EPHA1: variants seen among roughly 807,000 people sequenced by gnomAD.
EPHA1 encodes the protein EPH receptor A1.
In EPHA1, 92 loss-of-function variants were observed where a neutral mutation model predicts 110.1. That is an observed-to-expected ratio of 0.84 (90% CI 0.71 to 0.99). The LOEUF (loss-of-function observed/expected upper bound fraction) is 0.99. EPHA1 is among the 50% of genes least tolerant of loss of function. The pLI is 0.00. For synonymous variants in EPHA1, 500 were observed against 516.1 expected, an observed-to-expected ratio of 0.97 and a Z score of 0.42; for missense variants, 1,204 against 1,285.4, an observed-to-expected ratio of 0.94 and a Z score of 0.97.
In EPHA1 at chr7:143,398,881, C is replaced by T; in HGVS notation, c.1056G>A (p.Trp352Ter). ...SASGTQLSLRWEPPADTGGRQ... is the reference protein window; with the variant it reads ...SASGTQLSLR ...GTCCCCCCGTATCTGCTGGGGGTTC[C>T]CAACGCAGGGAGAGCTGAGTCCCTG... is the stretch of plus-strand genomic sequence containing the variant. Residue 352 changes from tryptophan to a stop codon, truncating the protein, a stop_gained, in exon 6 of 18, where the codon TGG becomes TGA. Transcript: ENST00000275815. LOFTEE classifies it high-confidence loss of function. The T allele has an allele frequency of 6.2e-7, 1 of 1,613,438 alleles. No individual in the cohort carries two copies. Among genetic ancestry groups the T allele is most frequent in the Non-Finnish European group, 8.5e-7 (1 of 1,179,834 alleles).
In EPHA1 at chr7:143,396,440, G is replaced by A. The variant is rs1285671193; in HGVS notation, c.1842C>T (p.Asp614=). The change falls in exon 11 of 18, where the codon GAC becomes GAT. Residue 614 remains aspartate (D), a synonymous_variant. Coordinates refer to ENST00000275815, the MANE Select transcript of EPHA1 (RefSeq NM_005232.5). ...ACGCTGGATCAAGCTCCCGGGTAAAGTCCAGGGCTCCCTGTGCAGGGTCCT... is the reference window on the plus strand; with the variant it reads ...ACGCTGGATCAAGCTCCCGGGTAAAATCCAGGGCTCCCTGTGCAGGGTCCT... The part of the protein sequence containing the change: ...AYEDPAQGAL[D]FTRELDPAWL... 1 of 1,613,956 alleles carries A rather than the reference G, an allele frequency of 6.2e-7. No homozygotes were observed. Among genetic ancestry groups the A allele is most frequent in the Non-Finnish European group, 8.5e-7 (1 of 1,179,972 alleles).
intron 14 of EPHA1, 66 bp downstream of exon 14, chr7:143,394,741 TG>T: frequency 1.9e-6 from 3 of 1,577,798 alleles, no homozygotes; most frequent in Non-Finnish European, 2.6e-6. Flanking sequence ...CCTATATACA[TG>T]TGACTGTATG....
chr7:143,406,853 G>C (rs1270544181), intron 2 of EPHA1, among the ~76,000 whole-genome samples: 4 of 152,190 alleles, frequency 2.6e-5, no homozygotes, highest in Admixed American at 2.6e-4. Flanking sequence ...TACATCATAA[G>C]AGCTGCTCTC....
chr7:143,396,353 G>A (rs1334808132), intron 11 of EPHA1, 32 bp downstream of exon 11: 1 of 1,602,894 alleles, frequency 6.2e-7, no homozygotes, highest in South Asian at 1.1e-5. Flanking sequence ...CCACATGGCG[G>A]GGGGCCTGCT....
At chr7:143,399,436 C>A in intron 4 of EPHA1, 23 bp from the exon 5 acceptor site, 1 of 1,559,160 alleles carries the variant, frequency 6.4e-7, no homozygotes, top group South Asian at 1.2e-5. Context: ...CGCAGCAGAG[C>A]AGTGGTTCTG....
rs1805085858 is a variant in EPHA1, at chr7:143,391,620, T to C, written c.2852A>G (p.Glu951Gly). The C allele has an allele frequency of 6.2e-7, 1 of 1,613,962 alleles. No homozygotes were observed. ...TGCCCAGACAGCTCCAGCTCCTTAC[T>C]CAGCGGTCAGCTCCAGCACACACTC... ...TMECVLELTA[E>G]DLTQMGITLP... is the part of the protein sequence containing the mutation. The change falls in exon 17 of 18, where the codon GAG becomes GGG. Residue 951 changes from glutamate to glycine, a missense_variant and splice_region_variant. By Grantham distance (98) the Glu-to-Gly change is moderately conservative (BLOSUM62 -2). Coordinates refer to ENST00000275815, the MANE Select transcript of EPHA1 (RefSeq NM_005232.5).
rs1210636799 is a variant in EPHA1 at position 143,399,294 on chromosome 7, T to G, written c.955A>C (p.Arg319=). 6.2e-7 allele frequency: 1 copy of G among 1,612,124 alleles called. No individual in the cohort carries two copies. Among genetic ancestry groups the G allele is most frequent in the African/African-American group, 1.3e-5 (1 of 74,980 alleles). ...ACCTGGGGGCCCTCCCCGGGAGCTC[T>G]GTAATGGCCGCTCTCACAGGTACAG... ...TICTCESGHY[R]APGEGPQVAC... The change falls in exon 5 of 18, where the codon AGA becomes CGA. Residue 319 remains arginine, a synonymous_variant. Transcript: ENST00000275815.
rs537988053 is a variant in EPHA1 at position 143,393,705 on chromosome 7, G to A, written c.2662C>T (p.His888Tyr). 6.2e-6 allele frequency: 10 copies of A among 1,613,918 alleles called. No homozygotes were observed. Among genetic ancestry groups the A allele is most frequent in the Admixed American group, 5.0e-5 (3 of 59,990 alleles). ...AAGTTGGCAATGGTCCGCAGGGAGTGGGGGTTGGCAAGCAGTTGCTCCAGA... is the reference window on the plus strand; with the variant it reads ...AAGTTGGCAATGGTCCGCAGGGAGTAGGGGTTGGCAAGCAGTTGCTCCAGA... Reference protein sequence around the residue: ...AHLEQLLANPHSLRTIANFDP... With the variant: ...AHLEQLLANPYSLRTIANFDP... The change falls in exon 16 of 18, where the codon CAC (histidine) becomes TAC (tyrosine). Residue 888 changes from histidine to tyrosine, a missense_variant. By Grantham distance (83) the His-to-Tyr change is moderately conservative (BLOSUM62 2). Coordinates refer to ENST00000275815, the MANE Select transcript of EPHA1 (RefSeq NM_005232.5). The surrounding 1 kb of genome is among the most constrained non-coding windows in gnomAD (Gnocchi z 5.6).
In EPHA1 at chr7:143,400,030, C is replaced by G. The variant is rs1362684299; in HGVS notation, c.456G>C (p.Gln152His). The G allele has an allele frequency of 5.6e-6, 9 of 1,608,450 alleles. No homozygotes were observed. Among genetic ancestry groups the G allele is most frequent in the Non-Finnish European group, 7.7e-6 (9 of 1,175,936 alleles). The change falls in exon 4 of 18, where the codon CAG becomes CAC. Residue 152 changes from glutamine to histidine, a missense_variant. Transcript: ENST00000275815. The part of the protein sequence containing the change: ...FQKVTTVAAD[Q>H]SFTIRDLVSG... ...ACACAAGGTCTCGAATGGTGAAGCT[C>G]TGGTCTGCAGCCACCGTGGTTACCT...
In EPHA1 at chr7:143,407,690, GAGAAA is replaced by G; in HGVS notation, c.83-17_83-13del. 6.2e-7 allele frequency: 1 copy of G among 1,612,796 alleles called. No homozygotes were observed. The highest frequency in any genetic ancestry group is 8.5e-7 in the Non-Finnish European group (1 of 1,179,294). ...GTCCATCAGAGTAACTGAAAGTGGG[GAGAAA>G]AGAAGTCTGTCACCTCTGGGGGAGG... On this transcript the variant is annotated splice_polypyrimidine_tract_variant and intron_variant, in intron 1 of 17. Transcript: ENST00000275815.
chr7:143,394,470 C>G (rs1563114883), intron 14 of EPHA1, 127 bp from the exon 15 acceptor site: 3 of 1,214,420 alleles, frequency 2.5e-6, no homozygotes, highest in Non-Finnish European at 3.3e-6. Flanking sequence ...TGCTAGGCTG[C>G]AGTGCAGTGG....
Position 143,397,382 on chromosome 7 carries a change from G to A in EPHA1, c.1713-20C>T. 1.3e-6 allele frequency: 2 copies of A among 1,549,344 alleles called. No individual in the cohort carries two copies. The highest frequency in any genetic ancestry group is 1.7e-6 in the Non-Finnish European group (2 of 1,146,584). ...GCTCTCCTGTGGGGGTTGGGGACCA[G>A]CTCCTTCAGGGCCCCAGGACCACCT... On this transcript the variant is annotated intron_variant, in intron 9 of 17. Coordinates refer to ENST00000275815, the MANE Select transcript of EPHA1 (RefSeq NM_005232.5).
At chr7:143,398,251 C>T (rs1805313769) in intron 7 of EPHA1, 70 bp downstream of exon 7, 16 of 1,602,176 alleles carry the variant, frequency 1.0e-5, no homozygotes, top group Middle Eastern at 1.7e-4. Context: ...CCAACCCACA[C>T]CCCAGGCTAG....
rs56124846 is a variant in EPHA1 at position 143,393,751 on chromosome 7, G to C, written c.2616C>G (p.His872Gln). ...CCAGATGTGCCTGAAGCTTCTGGAA[G>C]TGTGGCCGGCGGGCACGGTCATATG... ...CWAYDRARRP[H>Q]FQKLQAHLEQ... The change falls in exon 16 of 18, where the codon CAC becomes CAG. Residue 872 changes from histidine (H) to glutamine (Q), a missense_variant. His to Gln is a conservative substitution (Grantham distance 24). Coordinates refer to ENST00000275815, the MANE Select transcript of EPHA1 (RefSeq NM_005232.5). The surrounding 1 kb of genome is among the most constrained non-coding windows in gnomAD (Gnocchi z 5.6). 1.2e-6 allele frequency: 2 copies of C among 1,613,856 alleles called. No homozygotes were observed. Among genetic ancestry groups the C allele is most frequent in the East Asian group, 2.2e-5 (1 of 44,876 alleles).
Position 143,392,842 on chromosome 7 carries a change from C to T in EPHA1, c.2696+829G>A, listed in dbSNP as rs532945643. Among the ~76,000 whole-genome samples, 7 of 151,984 alleles carry T rather than the reference C, an allele frequency of 4.6e-5. No individual in the cohort carries two copies. The East Asian group carries it at 7.7e-4, about 17-fold the overall frequency. ...CTGTAATCCCAGCTACTCAGGAGGC[C>T]GAGACAGGAGAATCACTTGAACCCT... On this transcript the variant is annotated intron_variant, in intron 16 of 17. Coordinates refer to ENST00000275815, the MANE Select transcript of EPHA1 (RefSeq NM_005232.5).
chr7:143,397,807 G>A (rs1413097166), intron 8 of EPHA1, 113 bp downstream of exon 8: 2 of 1,520,996 alleles, frequency 1.3e-6, no homozygotes, highest in African/African-American at 2.7e-5. Context: ...AGAAGGGAGT[G>A]TGTGTGCATG....
At chr7:143,403,544 A>G (rs1472735436) in intron 2 of EPHA1, among the ~76,000 whole-genome samples, 1 of 152,178 alleles carries the variant, frequency 6.6e-6, no homozygotes, top group African/African-American at 2.4e-5. Context: ...TTTTAAAGAA[A>G]TCATGTACAG....
chr7:143,402,137 C>G (rs1399132415), intron 2 of EPHA1, among the ~76,000 whole-genome samples: 1 of 151,096 alleles, frequency 6.6e-6, no homozygotes, highest in Non-Finnish European at 1.5e-5. Flanking sequence ...CTATGCTGTC[C>G]AGGCTGATCT....
chr7:143,397,968 C>G lies in EPHA1; in HGVS notation c.1567G>C (p.Gly523Arg). 1 of 1,614,080 alleles carries G rather than the reference C, an allele frequency of 6.2e-7. No individual in the cohort carries two copies. Among genetic ancestry groups the G allele is most frequent in the East Asian group, 2.2e-5 (1 of 44,872 alleles). The change falls in exon 8 of 18, where the codon GGT (glycine) becomes CGT (arginine). Residue 523 changes from glycine (G) to arginine (R), a missense_variant. Transcript: ENST00000275815. ...IVRVRMLTPL[G>R]PGPFSPDHEF... ...TGATCAGGGGAGAAAGGGCCAGGAC[C>G]CAGTGGGGTCAGCATTCGGACTCTG...
Sources: allele counts gnomAD v4.1 joint callset (sites outside exome capture counted in the v4.1 genomes callset), GRCh38; gene constraint gnomAD v4.1.1; non-coding constraint Gnocchi (gnomAD v3.1); transcripts MANE v1.5; gene names NCBI Gene and HGNC (gene_info 2026-07-23, HGNC 2026-07-21).